Variants in PHF6 observed in about 807,000 individuals in gnomAD.
PHF6 encodes PHD finger protein 6.
A neutral mutation model predicts 34.0 loss-of-function variants in PHF6; 7 were observed. The ratio of observed to expected loss-of-function variants is 0.21; its 90% CI spans 0.12 to 0.39. The LOEUF is 0.39. PHF6 is among the 10% of genes least tolerant of loss of function. The pLI is 1.00. For missense variants in PHF6, 128 were observed against 262.8 expected (o/e 0.49, Z 3.55); for synonymous variants, 89 against 88.4 (o/e 1.01, Z -0.04).
intron 3 of PHF6, among the ~76,000 whole-genome samples, chrX:134,382,831 A>G (rs2077313441): frequency 9.0e-6 from 1 of 110,636 alleles, no homozygotes; most frequent in Admixed American, 9.7e-5. Context: ...GCAGATAGCT[A>G]TTATTCTAAT....
intron 5 of PHF6, among the ~76,000 whole-genome samples, chrX:134,406,995 C>G (rs2077427946): frequency 8.9e-6 from 1 of 111,771 alleles, no homozygotes; most frequent in African/African-American, 3.3e-5. Flanking sequence ...TTCTAACATC[C>G]AGGAGCATAT....
At chrX:134,412,055 T>G (rs2077453412) in intron 5 of PHF6, among the ~76,000 whole-genome samples, 1 of 112,533 alleles carries the variant, frequency 8.9e-6, no homozygotes, top group Non-Finnish European at 1.9e-5. Context: ...TCTAACAGCT[T>G]TTAGTGAAAT....
At chrX:134,393,759 T>G (rs958105177) in intron 4 of PHF6, 125 bp downstream of exon 4, 17 of 825,024 alleles carry the variant, frequency 2.1e-5, no homozygotes, top group Non-Finnish European at 2.6e-5. Flanking sequence ...GATAAGAAAT[T>G]TAATACTTAG....
chrX:134,391,715 A>T (rs955537511), intron 3 of PHF6, among the ~76,000 whole-genome samples: 2 of 112,250 alleles, frequency 1.8e-5, no homozygotes, highest in Non-Finnish European at 3.8e-5. Flanking sequence ...AATAGATTGC[A>T]AAATAGTATG....
rs186732741 is a variant in PHF6, at chrX:134,399,559, T to C, written c.418+5607T>C. ...AGGGTGGCTTTTTTCCCTTAATTAA[T>C]AGACTTTATTTTTAGAACAGTTTTA... On this transcript the variant is annotated intron_variant, in intron 5 of 10. Coordinates refer to ENST00000370803, the MANE Select transcript of PHF6 (RefSeq NM_001015877.2). 6.4e-3 allele frequency among the ~76,000 whole-genome samples: 702 copies of C among 110,395 alleles called. 5 individuals carry two copies. Among genetic ancestry groups the C allele is most frequent in the African/African-American group, 0.022 (671 of 30,243 alleles).
At chrX:134,405,029 T>C (rs1252998964) in intron 5 of PHF6, among the ~76,000 whole-genome samples, 3 of 111,719 alleles carry the variant, frequency 2.7e-5, no homozygotes, top group Non-Finnish European at 5.6e-5. Flanking sequence ...CTTGAAGATG[T>C]CTGTAAATAC....
In PHF6 at chrX:134,415,087, T is replaced by C; in HGVS notation, c.801T>C (p.Thr267=). ...AATTTGGAGACTTTGATATTAAAAC[T>C]GTACTTCAGGAGATTAAACGAGGAA... ...RAEFGDFDIK[T]VLQEIKRGKR... Residue 267 remains threonine (T), a synonymous_variant, in exon 8 of 11, where the codon ACT becomes ACC. Transcript: ENST00000370803. The C allele has an allele frequency of 8.3e-7, 1 of 1,210,047 alleles. No individual in the cohort carries two copies. Among genetic ancestry groups the C allele is most frequent in the Non-Finnish European group, 1.1e-6 (1 of 893,987 alleles).
intron 8 of PHF6, among the ~76,000 whole-genome samples, chrX:134,415,651 TATGAATG>T (rs768577810): frequency 1.4e-4 from 16 of 112,456 alleles, no homozygotes; most frequent in Non-Finnish European, 2.1e-4. Context: ...CTTTAACACT[TATGAATG>T]CTATGTCGGT....
chrX:134,406,762 A>G (rs2077426928), intron 5 of PHF6, among the ~76,000 whole-genome samples: 1 of 112,001 alleles, frequency 8.9e-6, no homozygotes, highest in South Asian at 3.7e-4. Flanking sequence ...ATCAGCCTGG[A>G]TTTTTAGAAA....
At chrX:134,394,048 A>T in intron 5 of PHF6, 96 bp downstream of exon 5, 1 of 749,907 alleles carries the variant, frequency 1.3e-6, no homozygotes, top group Non-Finnish European at 2.1e-6. Flanking sequence ...TAACCATAAG[A>T]CATATCTCAA....
At chrX:134,395,009 C>T (rs1026892860) in intron 5 of PHF6, among the ~76,000 whole-genome samples, 4 of 109,791 alleles carry the variant, frequency 3.6e-5, no homozygotes, top group African/African-American at 1.3e-4. Context: ...CCCGCCACTA[C>T]GCTTGGCTAA....
rs756914600 is a variant in PHF6, at chrX:134,376,542, C to CT, written c.-46-1023dup. 3.2e-3 allele frequency among the ~76,000 whole-genome samples: 357 copies of CT among 111,161 alleles called. 4 individuals are homozygous for CT. The highest frequency in any genetic ancestry group is 0.011 in the African/African-American group (340 of 30,733). ...CCTTTCATGTTAGAGCTTTCCTTCCCTTTTTTTGACTACACTGTACTACCT... is the reference window on the plus strand; with the variant it reads ...CCTTTCATGTTAGAGCTTTCCTTCCCTTTTTTTTGACTACACTGTACTACCT... On this transcript the variant is annotated intron_variant, in intron 1 of 10. Transcript: ENST00000370803.
At chrX:134,384,809 T>A (rs762637266) in intron 3 of PHF6, among the ~76,000 whole-genome samples, 4 of 103,337 alleles carry the variant, frequency 3.9e-5, no homozygotes, top group African/African-American at 6.7e-5. Context: ...CCACCACCGC[T>A]CCTGGCTAAT....
chrX:134,401,669 A>G (rs1254662240), intron 5 of PHF6, among the ~76,000 whole-genome samples: 1 of 111,875 alleles, frequency 8.9e-6, no homozygotes, highest in African/African-American at 3.3e-5. Context: ...TTACTTAAAA[A>G]GATAAAGTGG....
intron 5 of PHF6, among the ~76,000 whole-genome samples, chrX:134,399,686 G>GACACACAC (rs749494093): frequency 2.3e-4 from 22 of 95,532 alleles, no homozygotes; most frequent in African/African-American, 7.8e-4. Flanking sequence ...CACACACACA[G>GACACACAC]ACACACACAC....
chrX:134,408,638 G>A (rs982665795), intron 5 of PHF6, among the ~76,000 whole-genome samples: 1 of 111,615 alleles, frequency 9.0e-6, no homozygotes, highest in African/African-American at 3.3e-5. Flanking sequence ...TTCTCTTGGG[G>A]TTTGTCTTTT....
intron 9 of PHF6, among the ~76,000 whole-genome samples, chrX:134,421,959 C>T (rs2077493503): frequency 9.0e-6 from 1 of 110,759 alleles, no homozygotes; most frequent in African/African-American, 3.3e-5. Context: ...GAGACAGTCT[C>T]ACTCTGTTGC....
Position 134,427,272 on chromosome X carries a change from A to G in PHF6, c.*1612A>G, listed in dbSNP as rs1361466966. On this transcript the variant is annotated 3_prime_UTR_variant, in exon 11 of 11. Coordinates refer to ENST00000370803, the MANE Select transcript of PHF6 (RefSeq NM_001015877.2). ...GGTTTTTGTGTGTATGTGATTTTCAAAATTCATGACTTGAAGTGCAAGGAC... is the reference window on the plus strand; with the variant it reads ...GGTTTTTGTGTGTATGTGATTTTCAGAATTCATGACTTGAAGTGCAAGGAC... The G allele has an allele frequency of 6.1e-6, 1 of 163,954 alleles. No individual in the cohort carries two copies. The highest frequency in any genetic ancestry group is 3.0e-5 in the African/African-American group (1 of 33,385). The allele number at this position is 163,954 out of a possible 1,213,427, so 13.5% of individuals were successfully genotyped here.
At chrX:134,395,127 A>G (rs1451170154) in intron 5 of PHF6, among the ~76,000 whole-genome samples, 1 of 111,854 alleles carries the variant, frequency 8.9e-6, no homozygotes, top group Non-Finnish European at 1.9e-5. Context: ...TGCTGGGATT[A>G]CAGGCGTGAG....
Sources: gnomAD v4.1 joint callset for allele counts (sites outside exome capture counted in the v4.1 genomes callset) on GRCh38, gnomAD v4.1.1 for gene constraint, MANE v1.5 for transcripts, NCBI Gene and HGNC (gene_info 2026-07-23, HGNC 2026-07-21) for gene names.